Variants in SMIM29 observed in about 807,000 individuals in gnomAD.
The protein encoded by SMIM29 is small integral membrane protein 29, also known as uncharacterized protein C6orf1.
In SMIM29, 4 loss-of-function variants were observed where a neutral mutation model predicts 12.9. That is an observed-to-expected ratio of 0.31 (90% CI 0.15 to 0.71). SMIM29 has a LOEUF of 0.71. Among genes scored for constraint, SMIM29 ranks in the 30% least tolerant of loss-of-function variants. SMIM29 has a pLI of 0.70. For missense variants in SMIM29, 122 were observed against 138.1 expected (o/e 0.88, Z 0.58); for synonymous variants, 50 against 52.0 (o/e 0.96, Z 0.17).
chr6:34,247,902 GT>G (rs1762869007), intron 1 of SMIM29, 38 bp from the exon 2 acceptor site: 2 of 1,247,486 alleles, frequency 1.6e-6, no homozygotes, highest in Non-Finnish European at 2.0e-6. Flanking sequence ...TTGCACCCAG[GT>G]GACATCCAGA....
In SMIM29 at chr6:34,246,745, G is replaced by GCAGGGCCCCAGGCAGTC. The variant is rs773070331; in HGVS notation, c.*41_*57dup. The GCAGGGCCCCAGGCAGTC allele has an allele frequency of 6.2e-7, 1 of 1,613,734 alleles. No individual in the cohort carries two copies. ...CAGGTGACAGCAGGGGAAGCAGATG[G>GCAGGGCCCCAGGCAGTC]CAGGGCCCCAGGCAGTCCAGGACCC... is the stretch of plus-strand genomic sequence containing the variant. On this transcript the variant is annotated 3_prime_UTR_variant, in exon 5 of 5. Transcript: ENST00000476320.
At chr6:34,248,100 A>C in intron 1 of SMIM29, 1 of 985,426 alleles carries the variant, frequency 1.0e-6, no homozygotes, top group Non-Finnish European at 1.2e-6. Context: ...TCCTATCCCT[A>C]AATCAGGGTG....
At chr6:34,246,929 C>A in intron 4 of SMIM29, 61 bp from the exon 5 acceptor site, 3 of 1,598,796 alleles carry the variant, frequency 1.9e-6, no homozygotes, top group East Asian at 2.2e-5. Flanking sequence ...CTGCAGCACC[C>A]AGTTACAGCC....
chr6:34,247,924 C>T (rs530629693), intron 1 of SMIM29, 60 bp from the exon 2 acceptor site: 89 of 1,237,858 alleles, frequency 7.2e-5, no homozygotes, highest in Non-Finnish European at 8.7e-5. Flanking sequence ...CTCTGGATCC[C>T]TCCCCCAGAG....
Position 34,247,699 on chromosome 6 carries a change from G to A in SMIM29, c.93C>T (p.Val31=), listed in dbSNP as rs1581826528. 3 of 1,400,962 alleles carry A rather than the reference G, an allele frequency of 2.1e-6. No individual in the cohort carries two copies. Among genetic ancestry groups the A allele is most frequent in the African/African-American group, 1.5e-5 (1 of 68,850 alleles). The allele number at this position is 1,400,962 out of a possible 1,614,324, so 86.8% of individuals were successfully genotyped here. A position where few individuals can be genotyped will look rare whatever the true frequency, so the allele number is the denominator to read the frequency against. The part of the protein sequence containing the change: ...VLGPFFLITL[V]GVVVAVVMYV... ...TCCTTACCACAGCCACCACCACCCC[G>A]ACCAGGGTGATGAGGAAGAAGGGCC... The change falls in exon 2 of 5, where the codon GTC becomes GTT. Residue 31 remains valine (V), a synonymous_variant. Transcript: ENST00000476320.
chr6:34,248,622 G>A, intron 1 of SMIM29: 1 of 985,588 alleles, frequency 1.0e-6, no homozygotes, highest in Non-Finnish European at 1.2e-6. Context: ...CACGCTGATG[G>A]CCCAAGGTCC....
In SMIM29 at chr6:34,246,875, GGGA is replaced by G. The variant is rs762802801; in HGVS notation, c.244-10_244-8del. The stretch of plus-strand genomic sequence containing the variant: ...TCTGCCAGCCATGTACCACCTGTCG[GGGA>G]GGAGACCACACCACAAGGCTGGGCT... On this transcript the variant is annotated splice_region_variant and splice_polypyrimidine_tract_variant and intron_variant, in intron 4 of 4. Transcript: ENST00000476320. The G allele has an allele frequency of 6.2e-6, 10 of 1,604,710 alleles. No individual in the cohort carries two copies. The South Asian group carries it at 9.9e-5, about 16-fold the overall frequency.
At position 34,246,573 on chromosome 6, in the gene SMIM29, T is replaced by C. The variant is rs1175231990; in HGVS notation, c.*230A>G. 6.2e-7 allele frequency: 1 copy of C among 1,602,862 alleles called. No individual in the cohort carries two copies. The highest frequency in any genetic ancestry group is 8.5e-7 in the Non-Finnish European group (1 of 1,172,558). On this transcript the variant is annotated 3_prime_UTR_variant, in exon 5 of 5. Transcript: ENST00000476320. ...ATCCCAGAAGGAAAGCCTCTTCCCA[T>C]GAGTGCCTGTGGGTGGGCGGTGAGC...
In SMIM29 at chr6:34,248,664, G is replaced by T. The variant is rs926869748; in HGVS notation, c.-74+315C>A. The T allele has an allele frequency of 1.9e-5, 19 of 985,562 alleles. No individual in the cohort carries two copies. The Admixed American group carries it at 3.7e-4, about 19-fold the overall frequency. 61.1% of individuals were successfully genotyped at this position (985,562 alleles called of 1,614,324 possible). ...CAGGTTCGCTTGAGTCTCTATCAGA[G>T]GGCAAGGTATGAGCGACCTACCCCC... On this transcript the variant is annotated intron_variant, in intron 1 of 4. Transcript: ENST00000476320.
chr6:34,246,874 G>C lies in SMIM29; in HGVS notation c.244-6C>G, dbSNP rs1387182858. On this transcript the variant is annotated splice_polypyrimidine_tract_variant and splice_region_variant and intron_variant, in intron 4 of 4. Transcript: ENST00000476320. Reference sequence around the variant, plus strand: ...CTCTGCCAGCCATGTACCACCTGTCGGGGAGGAGACCACACCACAAGGCTG... The same window carrying C: ...CTCTGCCAGCCATGTACCACCTGTCCGGGAGGAGACCACACCACAAGGCTG... 3 of 1,604,486 alleles carry C rather than the reference G, an allele frequency of 1.9e-6. No individual in the cohort carries two copies. Among genetic ancestry groups the C allele is most frequent in the Middle Eastern group, 1.7e-4 (1 of 6,016 alleles).
In SMIM29 at chr6:34,247,746, A is replaced by G. The variant is rs1762861230; in HGVS notation, c.46T>C (p.Ser16Pro). 2 of 1,362,424 alleles carry G rather than the reference A, an allele frequency of 1.5e-6. No homozygotes were observed. Among genetic ancestry groups the G allele is most frequent in the African/African-American group, 3.0e-5 (2 of 67,438 alleles). 84.4% of individuals were successfully genotyped at this position (1,362,424 alleles called of 1,614,324 possible). A position where few individuals can be genotyped will look rare whatever the true frequency, so the allele number is the denominator to read the frequency against. The part of the protein sequence containing the change: ...VPNAPQANSD[S>P]MVGYVLGPFF... The stretch of plus-strand genomic sequence containing the variant: ...GGCCCCAACACATAGCCCACCATGG[A>G]GTCGCTGTTGGCCTGGGGGGCATTG... Residue 16 changes from serine to proline, a missense_variant, in exon 2 of 5, where the codon TCC (serine) becomes CCC (proline). Ser to Pro is a moderately conservative substitution (Grantham distance 74, BLOSUM62 -1). Coordinates refer to ENST00000476320, the MANE Select transcript of SMIM29 (RefSeq NM_001008703.4).
At chr6:34,247,192 C>T in intron 3 of SMIM29, 43 bp from the exon 4 acceptor site, 2 of 1,594,786 alleles carry the variant, frequency 1.3e-6, no homozygotes, top group South Asian at 1.1e-5. Context: ...GTCCCCCCAA[C>T]CCTCATCAAA....
Position 34,247,760 on chromosome 6 carries a change from T to TG in SMIM29, c.31dup (p.Gln11ProfsTer51). On this transcript the variant is annotated frameshift_variant, in exon 2 of 5. Transcript: ENST00000476320. LOFTEE classifies it high-confidence loss of function. ...GCCCACCATGGAGTCGCTGTTGGCC[T>TG]GGGGGGCATTGGGCACAGTGGTGTT... The TG allele has an allele frequency of 7.4e-7, 1 of 1,354,320 alleles. No homozygotes were observed. Among genetic ancestry groups the TG allele is most frequent in the Non-Finnish European group, 9.4e-7 (1 of 1,059,180 alleles). The allele number at this position is 1,354,320 out of a possible 1,614,324, so 83.9% of individuals were successfully genotyped here.
chr6:34,247,824 A>G lies in SMIM29; in HGVS notation c.-33T>C. 1 of 1,277,310 alleles carries G rather than the reference A, an allele frequency of 7.8e-7. No individual in the cohort carries two copies. Among genetic ancestry groups the G allele is most frequent in the Non-Finnish European group, 9.8e-7 (1 of 1,015,758 alleles). 79.1% of individuals were successfully genotyped at this position (1,277,310 alleles called of 1,614,324 possible). A position where few individuals can be genotyped will look rare whatever the true frequency, so the allele number is the denominator to read the frequency against. ...GCAGCCGGAGGGCTGGGTGGTCAGC[A>G]TGGGCAGTGGCGCTTCGGGAGGGCG... On this transcript the variant is annotated 5_prime_UTR_variant, in exon 2 of 5. It removes an upstream start codon present in the reference 5' UTR. Transcript: ENST00000476320.
At chr6:34,247,916 C>T in intron 1 of SMIM29, 52 bp from the exon 2 acceptor site, 1 of 1,240,226 alleles carries the variant, frequency 8.1e-7, no homozygotes. Flanking sequence ...CATCCAGACT[C>T]TGGATCCCTC....
At position 34,247,505 on chromosome 6, in the gene SMIM29, C is replaced by T; in HGVS notation, c.112-13G>A. 6.4e-7 allele frequency: 1 copy of T among 1,572,332 alleles called. No individual in the cohort carries two copies. The highest frequency in any genetic ancestry group is 8.6e-7 in the Non-Finnish European group (1 of 1,158,062). ...GTACATACATTACCTGCAACAGAGACACAGCACTGTGGGGGCTGCTGAGCC... is the reference window on the plus strand; with the variant it reads ...GTACATACATTACCTGCAACAGAGATACAGCACTGTGGGGGCTGCTGAGCC... On this transcript the variant is annotated splice_polypyrimidine_tract_variant and intron_variant, in intron 2 of 4. Transcript: ENST00000476320.
chr6:34,248,342 G>A, intron 1 of SMIM29: 1 of 985,450 alleles, frequency 1.0e-6, no homozygotes, highest in Non-Finnish European at 1.2e-6. Context: ...CCCACTTCAA[G>A]CGATGGGCTC....
intron 4 of SMIM29, 65 bp downstream of exon 4, chr6:34,246,979 G>C (rs1762811436): frequency 6.2e-7 from 1 of 1,611,712 alleles, no homozygotes; most frequent in Non-Finnish European, 8.5e-7. Context: ...GTGTGGACGA[G>C]TATGGCTGGG....
At position 34,246,823 on chromosome 6, in the gene SMIM29, G is replaced by C. The variant is rs1762799282; in HGVS notation, c.289C>G (p.Leu97Val). The change falls in exon 5 of 5, where the codon CTG becomes GTG. Residue 97 changes from leucine (L) to valine (V), a missense_variant. Leu to Val is a conservative substitution (Grantham distance 32). Coordinates refer to ENST00000476320, the MANE Select transcript of SMIM29 (RefSeq NM_001008703.4). The part of the protein sequence containing the change: ...QSGYQHKRMP[L>V]LDVKT ...TCAGGTCACGTCTTGACATCCAGCAGTGGCATCCGCTTGTGCTGGTAGCCA... is the reference window on the plus strand; with the variant it reads ...TCAGGTCACGTCTTGACATCCAGCACTGGCATCCGCTTGTGCTGGTAGCCA... 6.2e-7 allele frequency: 1 copy of C among 1,612,500 alleles called. No individual in the cohort carries two copies. Among genetic ancestry groups the C allele is most frequent in the African/African-American group, 1.3e-5 (1 of 74,918 alleles).
Sources: gnomAD v4.1 joint callset for allele counts on GRCh38, gnomAD v4.1.1 for gene constraint, MANE v1.5 for transcripts, NCBI Gene and HGNC (gene_info 2026-07-23, HGNC 2026-07-21) for gene names.